ADK: variants seen among roughly 807,000 people sequenced by gnomAD.
The protein encoded by ADK is N6,N6-dimethyladenosine kinase.
ADK carries 24 observed loss-of-function variants against 44.7 expected under a neutral mutation model. The observed-to-expected ratio is 0.54, with a 90% CI of 0.39 to 0.76. The LOEUF is 0.76. Ranked by LOEUF, ADK falls within the 30% of genes least tolerant of loss-of-function variation. The pLI is 0.00. For missense variants in ADK, 321 were observed against 425.1 expected, an observed-to-expected ratio of 0.76 and a Z score of 2.15; for synonymous variants, 128 against 142.6, an observed-to-expected ratio of 0.90 and a Z score of 0.73.
chr10:74,630,823 T>C (rs529838954), intron 9 of ADK, among the ~76,000 whole-genome samples: 1 of 152,296 alleles, frequency 6.6e-6, no homozygotes, highest in East Asian at 1.9e-4. Flanking sequence ...CAAAGAATTA[T>C]ATTTTATTTT....
intron 4 of ADK, among the ~76,000 whole-genome samples, chr10:74,346,410 G>A (rs1360885078): frequency 2.7e-5 from 4 of 150,610 alleles, no homozygotes; most frequent in Non-Finnish European, 5.9e-5. Context: ...TAATTAGCTT[G>A]TAATTATGTA....
In ADK at chr10:74,213,641, GC is replaced by G. The variant is rs1288028177; in HGVS notation, c.141-10896del. ...TTAAGAAAAAGCAGAACTAAGACAA[GC>G]TCTGATGAAGTATGATGAGTTTATA... On this transcript the variant is annotated intron_variant, in intron 2 of 10. Coordinates refer to ENST00000539909, the MANE Select transcript of ADK (RefSeq NM_006721.4). Among the ~76,000 whole-genome samples the G allele has an allele frequency of 3.3e-5, 5 of 152,238 alleles. No homozygotes were observed. In the East Asian group the frequency reaches 9.6e-4, roughly 29 times the overall value.
intron 6 of ADK, among the ~76,000 whole-genome samples, chr10:74,455,454 T>C (rs930183515): frequency 6.6e-6 from 1 of 152,232 alleles, no homozygotes; most frequent in African/African-American, 2.4e-5. Flanking sequence ...TAAAGGATTT[T>C]ATATCCCCTT....
In ADK at chr10:74,216,362, A is replaced by T. The variant is rs559726493; in HGVS notation, c.141-8176A>T. Among the ~76,000 whole-genome samples the T allele has an allele frequency of 2.4e-3, 362 of 152,046 alleles. 1 individual carries two copies. Among genetic ancestry groups the T allele is most frequent in the African/African-American group, 7.7e-3 (318 of 41,454 alleles). ...AAATTATTTTTTATTTATTAAAAAA[A>T]TTTTTTTTCTCCTTCTCTGCCTTCA... On this transcript the variant is annotated intron_variant, in intron 2 of 10. Coordinates refer to ENST00000539909, the MANE Select transcript of ADK (RefSeq NM_006721.4).
At chr10:74,453,281 A>T (rs760907345) in intron 6 of ADK, among the ~76,000 whole-genome samples, 2 of 152,162 alleles carry the variant, frequency 1.3e-5, no homozygotes. Flanking sequence ...GTTACTAAGA[A>T]CATGCATCCT....
At position 74,495,434 on chromosome 10, in the gene ADK, G is replaced by A. The variant is rs114335364; in HGVS notation, c.556-29822G>A. 2.2e-3 allele frequency among the ~76,000 whole-genome samples: 330 copies of A among 152,182 alleles called. 1 individual carries two copies. Among genetic ancestry groups the A allele is most frequent in the African/African-American group, 7.3e-3 (304 of 41,502 alleles). On this transcript the variant is annotated intron_variant, in intron 6 of 10. Transcript: ENST00000539909. ...AATGAGACCTTTCAACTTCCTTAGG[G>A]TATTTGAGTAAAAGACAGCTTTTTC...
Position 74,467,474 on chromosome 10 carries a change from G to A in ADK, c.556-57782G>A, listed in dbSNP as rs142805737. ...TGTCTTTGATTTCGTAGTTCAGATT[G>A]CCCAGTTATTAGTACTTAGAATTCA... On this transcript the variant is annotated intron_variant, in intron 6 of 10. Transcript: ENST00000539909. Among the ~76,000 whole-genome samples, 6 of 152,122 alleles carry A rather than the reference G, an allele frequency of 3.9e-5. No individual in the cohort carries two copies. The East Asian group carries it at 1.2e-3, about 29-fold the overall frequency.
chr10:74,470,398 T>A (rs1326985252), intron 6 of ADK, among the ~76,000 whole-genome samples: 2 of 152,096 alleles, frequency 1.3e-5, no homozygotes, highest in African/African-American at 2.4e-5. Context: ...TGAATAATTC[T>A]GCGATGAATA....
intron 9 of ADK, among the ~76,000 whole-genome samples, chr10:74,614,790 A>G (rs1852688060): frequency 6.6e-6 from 1 of 152,206 alleles, no homozygotes; most frequent in Non-Finnish European, 1.5e-5. Context: ...CCTTTATTGA[A>G]GAATGGTTTT....
intron 7 of ADK, among the ~76,000 whole-genome samples, chr10:74,574,058 G>C (rs987060950): frequency 8.5e-5 from 13 of 152,134 alleles, no homozygotes; most frequent in Non-Finnish European, 1.3e-4. Flanking sequence ...GATGAACCCG[G>C]TACCCCAAAT....
chr10:74,296,053 A>C (rs1343191983), intron 3 of ADK, among the ~76,000 whole-genome samples: 2 of 135,484 alleles, frequency 1.5e-5, no homozygotes, highest in African/African-American at 2.7e-5. Context: ...TTCTATTTCC[A>C]CGTATTTAGC....
chr10:74,659,948 A>G (rs1854636748), intron 9 of ADK, among the ~76,000 whole-genome samples: 1 of 152,194 alleles, frequency 6.6e-6, no homozygotes, highest in African/African-American at 2.4e-5. Context: ...CCTTCAATCC[A>G]ATCAAGTTGA....
intron 1 of ADK, among the ~76,000 whole-genome samples, chr10:74,171,010 AAC>A (rs1842148473): frequency 6.6e-6 from 1 of 152,034 alleles, no homozygotes; most frequent in African/African-American, 2.4e-5. Context: ...TATTTTTTTA[AAC>A]ACAGTCAAGT....
intron 10 of ADK, among the ~76,000 whole-genome samples, chr10:74,676,463 T>C (rs1315626268): frequency 1.3e-5 from 2 of 152,016 alleles, no homozygotes; most frequent in Non-Finnish European, 2.9e-5. Context: ...ATAAAGTAAC[T>C]GTGCTGACTC....
At chr10:74,668,770 T>C (rs1447436174) in intron 9 of ADK, among the ~76,000 whole-genome samples, 1 of 152,078 alleles carries the variant, frequency 6.6e-6, no homozygotes, top group South Asian at 2.1e-4. Flanking sequence ...CAGTGGCTCA[T>C]GCCTGTAATC....
intron 6 of ADK, among the ~76,000 whole-genome samples, chr10:74,433,119 A>C (rs565550321): frequency 1.3e-5 from 2 of 152,288 alleles, no homozygotes; most frequent in Admixed American, 1.3e-4. Context: ...GTTGATGACA[A>C]AATTACCAAA....
At chr10:74,247,223 A>ATTT (rs1564616102) in intron 3 of ADK, among the ~76,000 whole-genome samples, 5 of 78,232 alleles carry the variant, frequency 6.4e-5, no homozygotes, top group East Asian at 3.0e-4. Flanking sequence ...TTTTTTTTTA[A>ATTT]GTTTTTTTTT....
At chr10:74,337,989 A>T (rs543559821) in intron 4 of ADK, among the ~76,000 whole-genome samples, 1 of 152,144 alleles carries the variant, frequency 6.6e-6, no homozygotes, top group African/African-American at 2.4e-5. Context: ...AGTCTGGGTG[A>T]CAGAGCGAGA....
chr10:74,210,382 G>C (rs1843771078), intron 2 of ADK, among the ~76,000 whole-genome samples: 1 of 149,730 alleles, frequency 6.7e-6, no homozygotes, highest in Admixed American at 6.7e-5. Flanking sequence ...GACAGGAGTA[G>C]TTGAGGAGAC....
Sources: gnomAD v4.1 joint callset for allele counts (sites outside exome capture counted in the v4.1 genomes callset) on GRCh38, gnomAD v4.1.1 for gene constraint, MANE v1.5 for transcripts, NCBI Gene and HGNC (gene_info 2026-07-23, HGNC 2026-07-21) for gene names.